Variants in FANCC observed in about 807,000 individuals in gnomAD.
The protein encoded by FANCC is Fanconi anemia group C protein.
In FANCC, 55 loss-of-function variants were observed where a neutral mutation model predicts 71.3. The ratio of observed to expected loss-of-function variants is 0.77; its 90% CI spans 0.62 to 0.97. FANCC has a LOEUF of 0.97. FANCC is among the 50% of genes least tolerant of loss of function. The pLI is 0.00. For synonymous variants in FANCC, 275 were observed against 244.9 expected (o/e 1.12, Z -1.15); for missense variants, 678 against 670.9 (o/e 1.01, Z -0.12).
intron 6 of FANCC, among the ~76,000 whole-genome samples, chr9:95,154,245 C>CAAAAAAAA (rs58720791): frequency 2.0e-5 from 1 of 49,958 alleles, no homozygotes; most frequent in Non-Finnish European, 3.6e-5. Flanking sequence ...GACTCCGTCT[C>CAAAAAAAA]AAAAAAAAAA....
At chr9:95,299,731 C>A (rs1442003423) in intron 1 of FANCC, among the ~76,000 whole-genome samples, 2 of 152,136 alleles carry the variant, frequency 1.3e-5, no homozygotes, top group East Asian at 3.9e-4. Flanking sequence ...CATGGTGGCG[C>A]ATGCCTGTGG....
chr9:95,276,828 T>C (rs1833068002), intron 1 of FANCC, among the ~76,000 whole-genome samples: 1 of 152,222 alleles, frequency 6.6e-6, no homozygotes, highest in African/African-American at 2.4e-5. Context: ...TTAACCCTTT[T>C]CCCGTTTGCC....
At chr9:95,314,348 T>C (rs776506175) in intron 1 of FANCC, among the ~76,000 whole-genome samples, 1 of 152,222 alleles carries the variant, frequency 6.6e-6, no homozygotes, top group Non-Finnish European at 1.5e-5. Context: ...TTTATTCCTT[T>C]GCTTTCTTAA....
At chr9:95,115,226 A>G (rs924318371) in intron 11 of FANCC, among the ~76,000 whole-genome samples, 5 of 148,824 alleles carry the variant, frequency 3.4e-5, no homozygotes, top group African/African-American at 1.3e-4. Context: ...ACAGGCATTA[A>G]TCACCACGCT....
chr9:95,135,260 T>TCC, intron 8 of FANCC, 86 bp downstream of exon 8: 1 of 1,311,244 alleles, frequency 7.6e-7, no homozygotes, highest in Non-Finnish European at 1.1e-6. Flanking sequence ...TTTGTTTACA[T>TCC]CCCCCCCTTT....
At chr9:95,105,100 CA>C (rs1315651189) in intron 14 of FANCC, among the ~76,000 whole-genome samples, 2 of 152,252 alleles carry the variant, frequency 1.3e-5, no homozygotes, top group Non-Finnish European at 2.9e-5. Context: ...TGGCATGTGG[CA>C]GCCAGTCGTC....
chr9:95,173,270 C>A (rs561241361), intron 4 of FANCC, among the ~76,000 whole-genome samples: 2 of 152,120 alleles, frequency 1.3e-5, no homozygotes, highest in South Asian at 4.2e-4. Context: ...GTGAATGGCA[C>A]CGAGGCGCCC....
At chr9:95,185,694 T>C (rs1194844641) in intron 4 of FANCC, among the ~76,000 whole-genome samples, 1 of 152,248 alleles carries the variant, frequency 6.6e-6, no homozygotes, top group Non-Finnish European at 1.5e-5. Context: ...ATTTAAACTG[T>C]TCAATGATTT....
chr9:95,283,858 G>A (rs1338342521), intron 1 of FANCC, among the ~76,000 whole-genome samples: 3 of 152,200 alleles, frequency 2.0e-5, no homozygotes, highest in East Asian at 1.9e-4. Flanking sequence ...CTGACTTGGA[G>A]GCAGACTGCC....
intron 6 of FANCC, among the ~76,000 whole-genome samples, chr9:95,154,944 G>A (rs1443324076): frequency 6.6e-6 from 1 of 151,852 alleles, no homozygotes; most frequent in Admixed American, 6.6e-5. Context: ...GGTAGCTTAT[G>A]TCTGCAATCC....
At chr9:95,277,478 A>C (rs1204669877) in intron 1 of FANCC, among the ~76,000 whole-genome samples, 1 of 152,222 alleles carries the variant, frequency 6.6e-6, no homozygotes, top group Non-Finnish European at 1.5e-5. Context: ...TGCACCCTAT[A>C]AATATGCACA....
chr9:95,176,121 A>G (rs1466135288), intron 4 of FANCC, among the ~76,000 whole-genome samples: 2 of 152,242 alleles, frequency 1.3e-5, no homozygotes, highest in Admixed American at 1.3e-4. Context: ...CTCACAGCCT[A>G]CGGGTAGGTA....
chr9:95,152,355 A>T (rs1830223111), intron 6 of FANCC, among the ~76,000 whole-genome samples: 2 of 152,244 alleles, frequency 1.3e-5, no homozygotes, highest in African/African-American at 4.8e-5. Context: ...ACAGAAATTT[A>T]CCAAGAAGGT....
intron 4 of FANCC, among the ~76,000 whole-genome samples, chr9:95,188,696 C>T (rs958503581): frequency 6.6e-6 from 1 of 152,208 alleles, no homozygotes; most frequent in African/African-American, 2.4e-5. Context: ...TCAGTAACTT[C>T]TCTCTTTGTT....
chr9:95,298,150 A>G (rs1369653525), intron 1 of FANCC, among the ~76,000 whole-genome samples: 1 of 152,140 alleles, frequency 6.6e-6, no homozygotes, highest in Non-Finnish European at 1.5e-5. Flanking sequence ...ACATGAAGGA[A>G]TAGAGAAAAG....
chr9:95,218,770 G>A (rs1421319172), intron 4 of FANCC, among the ~76,000 whole-genome samples: 2 of 152,196 alleles, frequency 1.3e-5, no homozygotes, highest in African/African-American at 2.4e-5. Flanking sequence ...TTGATAGGGT[G>A]ATGTTAGCTA....
At chr9:95,214,220 G>C (rs1588292023) in intron 4 of FANCC, among the ~76,000 whole-genome samples, 1 of 152,154 alleles carries the variant, frequency 6.6e-6, no homozygotes. Flanking sequence ...TTAAAGCCAT[G>C]AGTTGAGAAC....
intron 6 of FANCC, among the ~76,000 whole-genome samples, chr9:95,159,450 C>CG (rs1236463383): frequency 1.6e-3 from 249 of 152,254 alleles, no homozygotes; most frequent in African/African-American, 5.7e-3. Flanking sequence ...CATTTAGGTT[C>CG]ATTCCAAGTC....
intron 11 of FANCC, 130 bp from the exon 12 acceptor site, chr9:95,114,840 G>A (rs1235568888): frequency 1.3e-6 from 1 of 769,144 alleles, no homozygotes; most frequent in East Asian, 2.6e-5. Context: ...ACCCAATACT[G>A]TTCTCATGCT....
Sources: gnomAD v4.1 joint callset for allele counts (sites outside exome capture counted in the v4.1 genomes callset) on GRCh38, gnomAD v4.1.1 for gene constraint, MANE v1.5 for transcripts, NCBI Gene and HGNC (gene_info 2026-07-23, HGNC 2026-07-21) for gene names.